Variants in LDLRAD3 observed in about 807,000 individuals in gnomAD.
LDLRAD3 encodes low density lipoprotein receptor class A domain containing 3.
In LDLRAD3, 20 loss-of-function variants were observed where a neutral mutation model predicts 29.4. The ratio of observed to expected loss-of-function variants is 0.68; its 90% CI spans 0.48 to 0.99. The LOEUF (loss-of-function observed/expected upper bound fraction) is 0.99. LDLRAD3 is among the 50% of genes least tolerant of loss of function. The pLI is 0.00. For missense variants in LDLRAD3, 420 were observed against 454.3 expected, an observed-to-expected ratio of 0.92 and a Z score of 0.69; for synonymous variants, 157 against 192.7, an observed-to-expected ratio of 0.81 and a Z score of 1.53.
chr11:36,130,694 A>T (rs1853913314), intron 4 of LDLRAD3, among the ~76,000 whole-genome samples: 1 of 152,132 alleles, frequency 6.6e-6, no homozygotes, highest in Admixed American at 6.5e-5. Flanking sequence ...GCACTATGTT[A>T]ATGTTAGGTC....
At chr11:36,075,472 G>A (rs1349501077) in intron 2 of LDLRAD3, among the ~76,000 whole-genome samples, 2 of 152,168 alleles carry the variant, frequency 1.3e-5, no homozygotes, top group Non-Finnish European at 2.9e-5. Context: ...TGGTCCCTTG[G>A]CTGAGGTGGT....
At chr11:35,953,969 A>C (rs1851169864) in intron 1 of LDLRAD3, among the ~76,000 whole-genome samples, 1 of 152,246 alleles carries the variant, frequency 6.6e-6, no homozygotes, top group South Asian at 2.1e-4. Flanking sequence ...ACTGTAAAAG[A>C]GATAAAGTTG....
At chr11:36,090,851 G>A (rs1323624031) in intron 3 of LDLRAD3, among the ~76,000 whole-genome samples, 1 of 152,214 alleles carries the variant, frequency 6.6e-6, no homozygotes, top group Admixed American at 6.5e-5. Context: ...AAAGGCTGCT[G>A]AGGCTGGGGG....
intron 4 of LDLRAD3, among the ~76,000 whole-genome samples, chr11:36,123,188 AAATAAT>A (rs535143112): frequency 5.3e-5 from 8 of 151,542 alleles, no homozygotes; most frequent in Non-Finnish European, 8.8e-5. Flanking sequence ...CTCCGTCTCA[AAATAAT>A]AATAATAATA....
At position 35,944,125 on chromosome 11, in the gene LDLRAD3, G is replaced by A. The variant is rs1307416397; in HGVS notation, c.27G>A (p.Leu9=). The A allele has an allele frequency of 9.4e-5, 100 of 1,059,124 alleles. No individual in the cohort carries two copies. Among genetic ancestry groups the A allele is most frequent in the Non-Finnish European group, 1.1e-4 (98 of 878,762 alleles). The allele number at this position is 1,059,124 out of a possible 1,614,324, so 65.6% of individuals were successfully genotyped here. A position where few individuals can be genotyped will look rare whatever the true frequency, so the allele number is the denominator to read the frequency against. The change falls in exon 1 of 6, where the codon CTG becomes CTA. Residue 9 remains leucine, a synonymous_variant. Transcript: ENST00000315571. This position sits in a 1 kb window ranked among gnomAD's most constrained non-coding sequence, Gnocchi z 4.9. MWLLGPLC[L]LLSSAAESQL... is the part of the protein sequence containing the mutation. Reference sequence around the variant, plus strand: ...TGTGGCTGCTGGGGCCGCTGTGCCTGCTGCTGAGCAGCGCCGCGGGTGAGT... The same window carrying A: ...TGTGGCTGCTGGGGCCGCTGTGCCTACTGCTGAGCAGCGCCGCGGGTGAGT...
At position 36,198,374 on chromosome 11, in the gene LDLRAD3, T is replaced by TAC. The variant is rs34266688; in HGVS notation, c.455-28694_455-28693dup. 1.6e-3 allele frequency among the ~76,000 whole-genome samples: 248 copies of TAC among 151,398 alleles called. 1 individual carries two copies. Among genetic ancestry groups the TAC allele is most frequent in the East Asian group, 0.011 (57 of 5,152 alleles). ...CACCTTCTTTATGAATGGTTAGAAA[T>TAC]ACACACACACACACACACTTTCTCA... On this transcript the variant is annotated intron_variant, in intron 4 of 5. Coordinates refer to ENST00000315571, the MANE Select transcript of LDLRAD3 (RefSeq NM_174902.4).
At chr11:36,095,081 G>C (rs1590262558) in intron 3 of LDLRAD3, among the ~76,000 whole-genome samples, 1 of 152,312 alleles carries the variant, frequency 6.6e-6, no homozygotes, top group East Asian at 1.9e-4. Context: ...GGCTACTCAG[G>C]AGGCTGAGGT....
chr11:36,177,679 T>A (rs1226841076), intron 4 of LDLRAD3, among the ~76,000 whole-genome samples: 2 of 152,178 alleles, frequency 1.3e-5, no homozygotes, highest in Non-Finnish European at 2.9e-5. Context: ...ATGTGATCCA[T>A]CTTCACGTCT....
intron 4 of LDLRAD3, among the ~76,000 whole-genome samples, chr11:36,184,435 G>C (rs965073518): frequency 3.3e-5 from 5 of 152,172 alleles, no homozygotes; most frequent in Admixed American, 2.6e-4. Context: ...GATATCTGCT[G>C]TTTTTACTGG....
chr11:36,047,109 C>A (rs1295340210), intron 2 of LDLRAD3, among the ~76,000 whole-genome samples: 3 of 152,042 alleles, frequency 2.0e-5, no homozygotes, highest in African/African-American at 7.3e-5. Flanking sequence ...ACTCTCCAGC[C>A]CTGTTTGGGA....
At chr11:35,974,536 A>G (rs1354152970) in intron 1 of LDLRAD3, among the ~76,000 whole-genome samples, 1 of 152,244 alleles carries the variant, frequency 6.6e-6, no homozygotes, top group Non-Finnish European at 1.5e-5. Context: ...CTGAAGCTGC[A>G]GTCTTATCTG....
rs749835303 is a variant in LDLRAD3, at chr11:36,229,204, C to T, written c.845C>T (p.Thr282Met). 6.3e-5 allele frequency: 101 copies of T among 1,613,880 alleles called. No individual in the cohort carries two copies. Among genetic ancestry groups the T allele is most frequent in the Non-Finnish European group, 4.9e-5 (58 of 1,179,988 alleles). Residue 282 changes from threonine to methionine, a missense_variant, in exon 6 of 6, where the codon ACG becomes ATG. Thr to Met is a moderately conservative substitution (Grantham distance 81, BLOSUM62 -1). Transcript: ENST00000315571. ...DLPPPPYSSDTESLNQADLPP... is the reference protein window; with the variant it reads ...DLPPPPYSSDMESLNQADLPP... ...CCTCCACCGCCCTACTCTTCTGACA[C>T]GGAATCTCTGAACCAAGCCGACCTG...
Position 36,124,642 on chromosome 11 carries a change from C to A in LDLRAD3, c.454+26181C>A, listed in dbSNP as rs145527946. On this transcript the variant is annotated intron_variant, in intron 4 of 5. Coordinates refer to ENST00000315571, the MANE Select transcript of LDLRAD3 (RefSeq NM_174902.4). ...TCTAACTGGTCTTCAAGCACATCTT[C>A]TCCTGGTATCCTCCACCTTGTCCGG... Among the ~76,000 whole-genome samples the A allele has an allele frequency of 3.8e-3, 570 of 151,986 alleles. 2 individuals are homozygous for A. Among genetic ancestry groups the A allele is most frequent in the Middle Eastern group, 0.017 (5 of 292 alleles).
intron 1 of LDLRAD3, among the ~76,000 whole-genome samples, chr11:35,979,389 A>G (rs11033354): frequency 0.37 from 56,095 of 152,024 alleles, 10,675 homozygotes; most frequent in East Asian, 0.6. Context: ...CATCCAACCT[A>G]TGACCTCTCT....
At chr11:35,959,602 T>A (rs113306449) in intron 1 of LDLRAD3, among the ~76,000 whole-genome samples, 1 of 152,170 alleles carries the variant, frequency 6.6e-6, no homozygotes, top group Non-Finnish European at 1.5e-5. Flanking sequence ...TTAATATATG[T>A]CATTATAATT....
intron 1 of LDLRAD3, among the ~76,000 whole-genome samples, chr11:35,969,060 A>G (rs936569850): frequency 2.0e-5 from 3 of 152,314 alleles, no homozygotes; most frequent in South Asian, 2.1e-4. Context: ...TGGAATCCAC[A>G]TGCCTCAGAC....
intron 4 of LDLRAD3, among the ~76,000 whole-genome samples, chr11:36,194,958 C>G (rs1029133987): frequency 3.3e-5 from 5 of 152,200 alleles, no homozygotes; most frequent in Admixed American, 6.5e-5. Context: ...TGGAGTCAGA[C>G]AGCTCATCAC....
chr11:36,156,150 G>T (rs773657393), intron 4 of LDLRAD3, among the ~76,000 whole-genome samples: 1 of 152,180 alleles, frequency 6.6e-6, no homozygotes, highest in South Asian at 2.1e-4. Context: ...TGAGAAGAAC[G>T]TACTGAGTGG....
At chr11:36,125,605 C>T (rs1440758682) in intron 4 of LDLRAD3, among the ~76,000 whole-genome samples, 1 of 152,122 alleles carries the variant, frequency 6.6e-6, no homozygotes, top group East Asian at 1.9e-4. Flanking sequence ...TTTGTAAGCT[C>T]AGTGTGAGAC....
Sources: gnomAD v4.1 joint callset for allele counts (sites outside exome capture counted in the v4.1 genomes callset) on GRCh38, gnomAD v4.1.1 for gene constraint, Gnocchi (gnomAD v3.1) non-coding constraint, MANE v1.5 for transcripts, NCBI Gene and HGNC (gene_info 2026-07-23, HGNC 2026-07-21) for gene names.